The following HECW1 variants were observed in gnomAD, a reference collection of about 807,000 sequenced individuals.
The protein encoded by HECW1 is HECT, C2 and WW domain containing E3 ubiquitin protein ligase 1.
A neutral mutation model predicts 182.3 loss-of-function variants in HECW1; 61 were observed. The ratio of observed to expected loss-of-function variants is 0.33; its 90% CI spans 0.27 to 0.41. The LOEUF (loss-of-function observed/expected upper bound fraction) is 0.41, where lower values mean the gene tolerates loss of function less well. Ranked by LOEUF, HECW1 falls within the 10% of genes least tolerant of loss-of-function variation. The pLI is 1.00. For synonymous variants in HECW1, 859 were observed against 832.6 expected (o/e 1.03, Z -0.55); for missense variants, 1,739 against 2,108.9 (o/e 0.82, Z 3.44).
At chr7:43,219,118 T>C (rs768498037) in intron 2 of HECW1, among the ~76,000 whole-genome samples, 5 of 151,744 alleles carry the variant, frequency 3.3e-5, no homozygotes, top group Admixed American at 1.3e-4. Flanking sequence ...AGTATGCAAA[T>C]ACAGGGCGCC....
chr7:43,463,398 A>G (rs1203549583), intron 13 of HECW1, among the ~76,000 whole-genome samples: 2 of 152,150 alleles, frequency 1.3e-5, no homozygotes, highest in Non-Finnish European at 2.9e-5. Context: ...GCTGTTTTGC[A>G]TGATTAGTTA....
intron 3 of HECW1, among the ~76,000 whole-genome samples, chr7:43,262,531 C>T (rs541820732): frequency 6.6e-6 from 1 of 152,248 alleles, no homozygotes; most frequent in South Asian, 2.1e-4. Flanking sequence ...AAACTATGTT[C>T]TTTCCCTGGT....
chr7:43,530,440 A>G (rs1480173186), intron 24 of HECW1, among the ~76,000 whole-genome samples: 1 of 152,142 alleles, frequency 6.6e-6, no homozygotes, highest in Admixed American at 6.6e-5. Context: ...AATATACATA[A>G]GAAAATATCT....
chr7:43,407,838 C>T, intron 8 of HECW1, 107 bp downstream of exon 8: 2 of 971,264 alleles, frequency 2.1e-6, no homozygotes, highest in East Asian at 2.5e-5. Context: ...CTCTGCTGCT[C>T]AATCTATGGC....
chr7:43,243,854 C>T lies in HECW1; in HGVS notation c.-31-21C>T, dbSNP rs572865450. 35 of 1,598,178 alleles carry T rather than the reference C, an allele frequency of 2.2e-5. No individual in the cohort carries two copies. In the East Asian group the frequency reaches 7.1e-4, roughly 33 times the overall value. The stretch of plus-strand genomic sequence containing the variant: ...TTGCTTGGGATACACGCTAAGTTAA[C>T]CTCGTTGGACTTTTCCCCAGGAATT... On this transcript the variant is annotated intron_variant, in intron 2 of 29. Coordinates refer to ENST00000395891, the MANE Select transcript of HECW1 (RefSeq NM_015052.5). The surrounding 1 kb of genome is among the most constrained non-coding windows in gnomAD (Gnocchi z 4.0).
At chr7:43,139,602 C>G (rs558371187) in intron 2 of HECW1, among the ~76,000 whole-genome samples, 2 of 152,176 alleles carry the variant, frequency 1.3e-5, no homozygotes, top group South Asian at 2.1e-4. Flanking sequence ...AATTGGTGTT[C>G]TTTTTGTTTC....
At position 43,550,455 on chromosome 7, in the gene HECW1, G is replaced by A; in HGVS notation, c.4259G>A (p.Arg1420Lys). 1 of 1,614,128 alleles carries A rather than the reference G, an allele frequency of 6.2e-7. No homozygotes were observed. Among genetic ancestry groups the A allele is most frequent in the Non-Finnish European group, 8.5e-7 (1 of 1,180,012 alleles). The part of the protein sequence containing the change: ...NEEVFGQVTE[R>K]ELKSGGANTQ... ...CTGTTTTCCTACAAGGTCACGGAAA[G>A]GGAGTTGAAGTCTGGAGGAGCCAAC... The change falls in exon 27 of 30, where the codon AGG (arginine) becomes AAG (lysine). Residue 1420 changes from arginine (R) to lysine (K), a missense_variant. Physicochemically the swap from Arg to Lys is conservative, Grantham distance 26 (BLOSUM62 2). Transcript: ENST00000395891.
chr7:43,175,779 G>A (rs1209628128), intron 2 of HECW1, among the ~76,000 whole-genome samples: 2 of 152,170 alleles, frequency 1.3e-5, no homozygotes, highest in African/African-American at 4.8e-5. Flanking sequence ...TGTGCAAACT[G>A]CCCGCTTTGA....
At chr7:43,273,398 A>G (rs1486997297) in intron 3 of HECW1, among the ~76,000 whole-genome samples, 1 of 152,220 alleles carries the variant, frequency 6.6e-6, no homozygotes, top group Non-Finnish European at 1.5e-5. Context: ...GATTAGTGGA[A>G]CTATATAAAT....
chr7:43,292,017 C>T (rs922945794), intron 3 of HECW1, among the ~76,000 whole-genome samples: 30 of 152,218 alleles, frequency 2.0e-4, no homozygotes, highest in African/African-American at 6.0e-4. Context: ...GATTCAGGGT[C>T]ACCCTTCTCT....
At chr7:43,201,238 T>G (rs765517412) in intron 2 of HECW1, among the ~76,000 whole-genome samples, 3 of 152,110 alleles carry the variant, frequency 2.0e-5, no homozygotes, top group Non-Finnish European at 4.4e-5. Context: ...TAGAGGACAC[T>G]CCAATGGAAG....
At chr7:43,180,554 C>T (rs961379581) in intron 2 of HECW1, among the ~76,000 whole-genome samples, 2 of 152,046 alleles carry the variant, frequency 1.3e-5, no homozygotes, top group African/African-American at 4.8e-5. Context: ...CGCCACCACG[C>T]CTGGCTAATT....
At chr7:43,507,870 TGAACTGACGGAACCTGG>T in intron 22 of HECW1, 131 bp from the exon 23 acceptor site, 1 of 591,668 alleles carries the variant, frequency 1.7e-6, no homozygotes, top group Non-Finnish European at 3.1e-6. Context: ...AATCCCTCGA[TGAACTGACGGAACCTGG>T]GTCCTGCTCT....
intron 11 of HECW1, among the ~76,000 whole-genome samples, chr7:43,447,478 A>C (rs2077094299): frequency 6.6e-6 from 1 of 152,212 alleles, no homozygotes; most frequent in East Asian, 1.9e-4. Context: ...TGCAGAGTGT[A>C]AACTCAGAAA....
intron 19 of HECW1, among the ~76,000 whole-genome samples, chr7:43,500,163 C>T (rs1425690411): frequency 1.3e-5 from 2 of 151,390 alleles, no homozygotes; most frequent in South Asian, 2.1e-4. Flanking sequence ...TGCAGTGGCA[C>T]GATCTCAGTT....
At chr7:43,447,430 C>T (rs548700160) in intron 11 of HECW1, among the ~76,000 whole-genome samples, 12 of 152,218 alleles carry the variant, frequency 7.9e-5, no homozygotes, top group Non-Finnish European at 1.8e-4. Flanking sequence ...TGAATTGGCA[C>T]TGGCAGTTTC....
At chr7:43,536,199 C>G (rs2081172703) in intron 24 of HECW1, among the ~76,000 whole-genome samples, 1 of 152,170 alleles carries the variant, frequency 6.6e-6, no homozygotes, top group African/African-American at 2.4e-5. Flanking sequence ...TTTCTGTGGT[C>G]TCAGGTCTAA....
intron 3 of HECW1, among the ~76,000 whole-genome samples, chr7:43,304,459 G>GTTAT (rs61241516): frequency 0.093 from 13,203 of 141,268 alleles, 672 homozygotes; most frequent in South Asian, 0.14. Context: ...ATTCAACACA[G>GTTAT]TTATTTATTT....
chr7:43,274,156 G>A (rs1408186927), intron 3 of HECW1: 3 of 416,178 alleles, frequency 7.2e-6, no homozygotes, highest in South Asian at 1.5e-4. Flanking sequence ...CGGAAAGGAC[G>A]CCATGAAGGC....
Sources: allele counts gnomAD v4.1 joint callset (sites outside exome capture counted in the v4.1 genomes callset), GRCh38; gene constraint gnomAD v4.1.1; non-coding constraint Gnocchi (gnomAD v3.1); transcripts MANE v1.5; gene names NCBI Gene and HGNC (gene_info 2026-07-23, HGNC 2026-07-21).